Variants in IMMP2L observed in about 807,000 individuals in gnomAD.
IMMP2L encodes mitochondrial inner membrane protease subunit 2.
IMMP2L carries 18 observed loss-of-function variants against 19.3 expected under a neutral mutation model. The ratio of observed to expected loss-of-function variants is 0.93; its 90% CI spans 0.64 to 1.38. IMMP2L has a LOEUF of 1.38. IMMP2L is among the 40% of genes most tolerant of loss of function. The pLI, the probability that IMMP2L is intolerant of heterozygous loss-of-function variation, is 0.00. For synonymous variants in IMMP2L, 76 were observed against 73.0 expected (o/e 1.04, Z -0.21); for missense variants, 233 against 218.2 (o/e 1.07, Z -0.43).
At chr7:111,243,053 G>C (rs1274874433) in intron 3 of IMMP2L, among the ~76,000 whole-genome samples, 1 of 151,916 alleles carries the variant, frequency 6.6e-6, no homozygotes. Flanking sequence ...TGAACCACAT[G>C]TCTGAAGGTG....
At chr7:110,881,125 T>C (rs145301028) in intron 5 of IMMP2L, among the ~76,000 whole-genome samples, 1 of 152,260 alleles carries the variant, frequency 6.6e-6, no homozygotes, top group Admixed American at 6.5e-5. Context: ...AAGCTAATCT[T>C]GAGGGACTTT....
intron 3 of IMMP2L, among the ~76,000 whole-genome samples, chr7:111,242,918 TCTAA>T (rs1815289852): frequency 6.6e-6 from 1 of 152,152 alleles, no homozygotes; most frequent in South Asian, 2.1e-4. Context: ...CCAATTGTTC[TCTAA>T]CTCACTGGTA....
intron 2 of IMMP2L, among the ~76,000 whole-genome samples, chr7:111,488,513 T>C (rs954284049): frequency 3.3e-5 from 5 of 152,208 alleles, no homozygotes; most frequent in African/African-American, 1.2e-4. Flanking sequence ...AATAACATTA[T>C]TTCGTTCCTT....
intron 1 of IMMP2L, among the ~76,000 whole-genome samples, chr7:111,552,458 T>C (rs1447923227): frequency 1.4e-4 from 22 of 152,098 alleles, no homozygotes; most frequent in Admixed American, 1.4e-3. Flanking sequence ...CGGCTAATTT[T>C]TGTATTTTTA....
intron 1 of IMMP2L, among the ~76,000 whole-genome samples, chr7:111,522,938 T>TATATGTATATATATATATATA (rs199823915): frequency 1.6e-4 from 24 of 148,674 alleles, no homozygotes; most frequent in Non-Finnish European, 2.1e-4. Flanking sequence ...TATATATATA[T>TATATGTATATATATATATATA]TATTTCACCA....
chr7:111,016,748 A>T (rs1363675825), intron 3 of IMMP2L, among the ~76,000 whole-genome samples: 1 of 97,086 alleles, frequency 1.0e-5, no homozygotes, highest in Non-Finnish European at 1.8e-5. Flanking sequence ...TATTATATAT[A>T]TTATATAAAT....
chr7:110,846,401 C>T (rs1006007424), intron 5 of IMMP2L, among the ~76,000 whole-genome samples: 12 of 141,022 alleles, frequency 8.5e-5, no homozygotes, highest in African/African-American at 2.9e-4. Flanking sequence ...AGTCTCACTT[C>T]GTCACCCAGG....
intron 3 of IMMP2L, among the ~76,000 whole-genome samples, chr7:111,285,121 AAG>A (rs930257684): frequency 1.3e-5 from 2 of 152,122 alleles, no homozygotes; most frequent in African/African-American, 4.8e-5. Context: ...AGGCCTTGCA[AAG>A]AGAGGATATA....
At chr7:111,549,707 A>G (rs1297183947) in intron 1 of IMMP2L, among the ~76,000 whole-genome samples, 1 of 152,152 alleles carries the variant, frequency 6.6e-6, no homozygotes, top group Non-Finnish European at 1.5e-5. Flanking sequence ...TGGGAGGCCA[A>G]GGCAGGTGGA....
intron 5 of IMMP2L, among the ~76,000 whole-genome samples, chr7:110,848,244 A>G (rs1417109198): frequency 6.6e-6 from 1 of 152,220 alleles, no homozygotes; most frequent in Non-Finnish European, 1.5e-5. Flanking sequence ...AAGAATGAGC[A>G]AAAAGTCTGA....
intron 3 of IMMP2L, among the ~76,000 whole-genome samples, chr7:111,303,574 G>A (rs79441239): frequency 0.026 from 3,938 of 152,070 alleles, 65 homozygotes; most frequent in Non-Finnish European, 0.038. Flanking sequence ...TTTCATATTT[G>A]TGAAGAAATA....
At chr7:111,349,295 T>G (rs986826516) in intron 3 of IMMP2L, among the ~76,000 whole-genome samples, 1 of 152,134 alleles carries the variant, frequency 6.6e-6, no homozygotes, top group Admixed American at 6.6e-5. Context: ...AGCACCTATG[T>G]TGAGCAGCTG....
intron 3 of IMMP2L, among the ~76,000 whole-genome samples, chr7:111,351,751 A>G (rs1420072152): frequency 1.3e-5 from 2 of 152,202 alleles, no homozygotes; most frequent in Non-Finnish European, 2.9e-5. Context: ...TTAAACTTCA[A>G]GCAATGTATT....
At chr7:110,765,083 A>G (rs1368985245) in intron 5 of IMMP2L, among the ~76,000 whole-genome samples, 1 of 152,122 alleles carries the variant, frequency 6.6e-6, no homozygotes, top group Non-Finnish European at 1.5e-5. Context: ...TTATTCAGCA[A>G]TCTGAAAAGA....
chr7:111,273,011 C>T (rs1008193449), intron 3 of IMMP2L, among the ~76,000 whole-genome samples: 1 of 152,060 alleles, frequency 6.6e-6, no homozygotes, highest in Non-Finnish European at 1.5e-5. Context: ...AAAAATAGCT[C>T]AGCATCCTGT....
chr7:110,998,639 C>A (rs1186834621), intron 3 of IMMP2L, among the ~76,000 whole-genome samples: 1 of 152,132 alleles, frequency 6.6e-6, no homozygotes, highest in East Asian at 1.9e-4. Flanking sequence ...CCCTCACATC[C>A]CCTTAGAGGG....
intron 3 of IMMP2L, among the ~76,000 whole-genome samples, chr7:111,479,668 T>C (rs1842013257): frequency 6.6e-6 from 1 of 152,136 alleles, no homozygotes; most frequent in African/African-American, 2.4e-5. Context: ...TAACGTGTAT[T>C]TGGGAGGTCC....
intron 3 of IMMP2L, among the ~76,000 whole-genome samples, chr7:111,109,330 T>A (rs969881540): frequency 2.6e-5 from 4 of 151,966 alleles, no homozygotes; most frequent in African/African-American, 9.7e-5. Context: ...GAAAACCCAA[T>A]CATCATGCTT....
rs754492491 is a variant in IMMP2L at position 111,123,995 on chromosome 7, G to A, written c.240-160430C>T. ...CCTGAATTCCAAGGTCAGAATGTTC[G>A]GCAAGTGCATTTCAGGGACATGATG... On this transcript the variant is annotated intron_variant, in intron 3 of 5. Transcript: ENST00000405709. The surrounding 1 kb of genome is among the most constrained non-coding windows in gnomAD (Gnocchi z 6.4). 1.8e-5 allele frequency: 29 copies of A among 1,613,972 alleles called. No individual in the cohort carries two copies. Among genetic ancestry groups the A allele is most frequent in the South Asian group, 1.5e-4 (14 of 91,054 alleles).
Sources: allele counts gnomAD v4.1 joint callset (sites outside exome capture counted in the v4.1 genomes callset), GRCh38; gene constraint gnomAD v4.1.1; non-coding constraint Gnocchi (gnomAD v3.1); transcripts MANE v1.5; gene names NCBI Gene and HGNC (gene_info 2026-07-23, HGNC 2026-07-21).